Variants in SULF2 observed in about 807,000 individuals in gnomAD.
The protein encoded by SULF2 is extracellular sulfatase Sulf-2.
A neutral mutation model predicts 107.7 loss-of-function variants in SULF2; 52 were observed. That is an observed-to-expected ratio of 0.48 (90% confidence interval 0.39 to 0.61). The LOEUF is 0.61. Ranked by LOEUF, SULF2 falls within the 20% of genes least tolerant of loss-of-function variation. SULF2 has a pLI of 0.00. For synonymous variants in SULF2, 460 were observed against 464.3 expected (o/e 0.99, Z 0.12); for missense variants, 993 against 1,177.3 (o/e 0.84, Z 2.29).
intron 5 of SULF2, 106 bp downstream of exon 5, chr20:47,690,020 A>G: frequency 3.6e-6 from 4 of 1,118,586 alleles, no homozygotes. Context: ...GGAGGATTAG[A>G]GAGGAGGCAC....
At chr20:47,671,336 TCA>T (rs1013862625) in intron 11 of SULF2, among the ~76,000 whole-genome samples, 1 of 152,224 alleles carries the variant, frequency 6.6e-6, no homozygotes, top group African/African-American at 2.4e-5. Context: ...AGACCGAGTC[TCA>T]CTCTGTCGCC....
chr20:47,663,122 T>C lies in SULF2; in HGVS notation c.2318A>G (p.Glu773Gly). 6.2e-7 allele frequency: 1 copy of C among 1,614,140 alleles called. No individual in the cohort carries two copies. Among genetic ancestry groups the C allele is most frequent in the South Asian group, 1.1e-5 (1 of 91,074 alleles). ...INETHNFLFC[E>G]FATGFLEYFD... ...GTACTCTAGGAAGCCAGTTGCAAAT[T>C]CACAGAAGAGGAAATTGTGAGTCTC... Residue 773 changes from glutamate to glycine, a missense_variant, in exon 17 of 21, where the codon GAA (glutamate) becomes GGA (glycine). Coordinates refer to ENST00000688720, the MANE Select transcript of SULF2 (RefSeq NM_001387048.1).
chr20:47,725,271 C>T (rs1382404911), intron 3 of SULF2, among the ~76,000 whole-genome samples: 1 of 152,168 alleles, frequency 6.6e-6, no homozygotes, highest in African/African-American at 2.4e-5. Flanking sequence ...TTATTCCGTA[C>T]ATTCCTGGGA....
intron 3 of SULF2, among the ~76,000 whole-genome samples, chr20:47,703,608 T>A (rs1274327653): frequency 6.6e-6 from 1 of 152,236 alleles, no homozygotes; most frequent in Non-Finnish European, 1.5e-5. Context: ...TTTGGCTGTG[T>A]CTGCTAAATT....
intron 4 of SULF2, among the ~76,000 whole-genome samples, chr20:47,697,416 C>T (rs998781807): frequency 1.3e-5 from 2 of 152,218 alleles, no homozygotes; most frequent in Admixed American, 6.5e-5. Flanking sequence ...AAGGCCCGCC[C>T]GAGGCCAGCA....
At chr20:47,762,295 G>C (rs1459257540) in intron 1 of SULF2, among the ~76,000 whole-genome samples, 2 of 152,220 alleles carry the variant, frequency 1.3e-5, no homozygotes, top group African/African-American at 4.8e-5. Context: ...CTAATATTGG[G>C]AGAATTCCGA....
chr20:47,672,369 T>A lies in SULF2; in HGVS notation c.1405A>T (p.Thr469Ser). 6.2e-7 allele frequency: 1 copy of A among 1,611,952 alleles called. No individual in the cohort carries two copies. The highest frequency in any genetic ancestry group is 8.5e-7 in the Non-Finnish European group (1 of 1,179,634). The change falls in exon 11 of 21, where the codon ACG becomes TCG. Residue 469 changes from threonine (T) to serine (S), a missense_variant. Transcript: ENST00000688720. ...GQKWQCVEDATGKLKLHKCKG... is the reference protein window; with the variant it reads ...GQKWQCVEDASGKLKLHKCKG... ...CACTTATGCAGCTTCAGCTTCCCCG[T>A]GGCGTCCTCCACACACTGCCACTTC...
At chr20:47,673,414 TAG>T (rs1602608639) in intron 10 of SULF2, among the ~76,000 whole-genome samples, 1 of 151,988 alleles carries the variant, frequency 6.6e-6, no homozygotes, top group African/African-American at 2.4e-5. Context: ...CACACGGAGG[TAG>T]AGAGATGTGT....
intron 1 of SULF2, among the ~76,000 whole-genome samples, chr20:47,779,521 C>T (rs369632391): frequency 7.9e-5 from 12 of 152,248 alleles, no homozygotes; most frequent in Admixed American, 6.5e-4. Context: ...CTGCACAGCA[C>T]GCCTCTCACA....
At chr20:47,731,874 TGG>T (rs1305948091) in intron 3 of SULF2, among the ~76,000 whole-genome samples, 1 of 152,224 alleles carries the variant, frequency 6.6e-6, no homozygotes, top group African/African-American at 2.4e-5. Flanking sequence ...TGGTCATGGC[TGG>T]GATGTGATAA....
intron 3 of SULF2, among the ~76,000 whole-genome samples, chr20:47,733,944 C>T (rs1195184950): frequency 6.6e-6 from 1 of 152,174 alleles, no homozygotes; most frequent in African/African-American, 2.4e-5. Context: ...GGGCTGATCT[C>T]CTCTATTCAA....
chr20:47,707,099 T>C (rs1210082813), intron 3 of SULF2, among the ~76,000 whole-genome samples: 4 of 151,970 alleles, frequency 2.6e-5, no homozygotes, highest in Non-Finnish European at 4.4e-5. Context: ...AAGTAATTCT[T>C]GTGCCTCAGC....
intron 3 of SULF2, among the ~76,000 whole-genome samples, chr20:47,723,055 A>C (rs2089338037): frequency 6.6e-6 from 1 of 152,040 alleles, no homozygotes; most frequent in Non-Finnish European, 1.5e-5. Flanking sequence ...CGACAGAGCA[A>C]GACTCCGTCT....
At chr20:47,668,410 T>C (rs935972272) in intron 11 of SULF2, among the ~76,000 whole-genome samples, 3 of 152,220 alleles carry the variant, frequency 2.0e-5, no homozygotes, top group African/African-American at 7.2e-5. Context: ...GTGTGAATCC[T>C]TTCCTGGACT....
chr20:47,780,614 T>C (rs1234673197), intron 1 of SULF2, among the ~76,000 whole-genome samples: 1 of 152,068 alleles, frequency 6.6e-6, no homozygotes, highest in African/African-American at 2.4e-5. Context: ...AGTGCAGTAG[T>C]GCGATCTCAG....
chr20:47,684,214 G>T lies in SULF2; in HGVS notation c.888+217C>A, dbSNP rs1206445645. On this transcript the variant is annotated intron_variant, in intron 6 of 20. Transcript: ENST00000688720. ...AATATAACTAGCATATATGGTTACC[G>T]TATTGGGCAACACAGATCTAGAAAA... 7 of 485,200 alleles carry T rather than the reference G, an allele frequency of 1.4e-5. No homozygotes were observed. The South Asian group carries it at 1.8e-4, about 12-fold the overall frequency. 30.1% of individuals were successfully genotyped at this position (485,200 alleles called of 1,614,324 possible).
At chr20:47,710,662 T>C (rs928370982) in intron 3 of SULF2, among the ~76,000 whole-genome samples, 1 of 152,152 alleles carries the variant, frequency 6.6e-6, no homozygotes, top group Non-Finnish European at 1.5e-5. Context: ...ATATTTTCAT[T>C]ATCCACCAAT....
intron 1 of SULF2, among the ~76,000 whole-genome samples, chr20:47,769,828 G>A (rs1238851285): frequency 1.3e-5 from 2 of 152,094 alleles, no homozygotes; most frequent in East Asian, 1.9e-4. Context: ...GTTGGGTAGC[G>A]AAGGCCTGAG....
Position 47,680,309 on chromosome 20 carries a change from G to T in SULF2, c.1065-1505C>A, listed in dbSNP as rs1275995870. On this transcript the variant is annotated intron_variant, in intron 7 of 20. Coordinates refer to ENST00000688720, the MANE Select transcript of SULF2 (RefSeq NM_001387048.1). This position sits in a 1 kb window ranked among gnomAD's most constrained non-coding sequence, Gnocchi z 4.2. ...GTAGAGGTGGGGTTTCACCATGTTG[G>T]CCAGGCTACTCTTGAACTCCTGACC... is the stretch of plus-strand genomic sequence containing the variant. 6.6e-6 allele frequency among the ~76,000 whole-genome samples: 1 copy of T among 152,132 alleles called. No individual in the cohort carries two copies. Among genetic ancestry groups the T allele is most frequent in the South Asian group, 2.1e-4 (1 of 4,826 alleles).
Sources: gnomAD v4.1 joint callset for allele counts (sites outside exome capture counted in the v4.1 genomes callset) on GRCh38, gnomAD v4.1.1 for gene constraint, Gnocchi (gnomAD v3.1) non-coding constraint, MANE v1.5 for transcripts, NCBI Gene and HGNC (gene_info 2026-07-23, HGNC 2026-07-21) for gene names.